The following SCUBE2 variants were observed in gnomAD, a reference collection of about 807,000 sequenced individuals.
SCUBE2 encodes signal peptide, CUB domain and EGF like domain containing 2.
In SCUBE2, 114 loss-of-function variants were observed where a neutral mutation model predicts 125.9. That is an observed-to-expected ratio of 0.91 (90% CI 0.78 to 1.06). The LOEUF is 1.06. Ranked by LOEUF, SCUBE2 falls within the 50% of genes least tolerant of loss-of-function variation. SCUBE2 has a pLI of 0.00. For synonymous variants in SCUBE2, 459 were observed against 492.9 expected, an observed-to-expected ratio of 0.93 and a Z score of 0.91; for missense variants, 1,255 against 1,301.8, an observed-to-expected ratio of 0.96 and a Z score of 0.55.
chr11:9,055,983 A>G, intron 9 of SCUBE2, 74 bp from the exon 10 acceptor site: 1 of 1,170,862 alleles, frequency 8.5e-7, no homozygotes, highest in Non-Finnish European at 1.3e-6. Context: ...TATGATAAAT[A>G]CCAGTTGCTG....
chr11:9,084,550 T>C (rs986505433), intron 2 of SCUBE2, among the ~76,000 whole-genome samples: 3 of 151,910 alleles, frequency 2.0e-5, no homozygotes, highest in African/African-American at 7.3e-5. Flanking sequence ...ATATAGTAAT[T>C]TTGTAGCAGA....
At position 9,066,930 on chromosome 11, in the gene SCUBE2, C is replaced by A. The variant is rs1860299378; in HGVS notation, c.644-117G>T. On this transcript the variant is annotated intron_variant, in intron 5 of 22. Coordinates refer to ENST00000649792, the MANE Select transcript of SCUBE2 (RefSeq NM_001367977.2). ...CAAGTATTTGAGCACCTAGTGCATG[C>A]CAGGCATGGTGCACGAAAGACATAA... 29 of 791,640 alleles carry A rather than the reference C, an allele frequency of 3.7e-5. No individual in the cohort carries two copies. The South Asian group carries it at 4.6e-4, about 12-fold the overall frequency. The allele number at this position is 791,640 out of a possible 1,614,324, so 49.0% of individuals were successfully genotyped here.
chr11:9,085,216 T>C (rs1249077677), intron 2 of SCUBE2, among the ~76,000 whole-genome samples: 3 of 152,128 alleles, frequency 2.0e-5, no homozygotes, highest in African/African-American at 7.2e-5. Context: ...AAAAGAATGG[T>C]AGGGAAAAAT....
chr11:9,079,506 A>T lies in SCUBE2; in HGVS notation c.260T>A (p.Ile87Asn), dbSNP rs929869646. 6 of 1,613,538 alleles carry T rather than the reference A, an allele frequency of 3.7e-6. No individual in the cohort carries two copies. In the East Asian group the frequency reaches 1.3e-4, roughly 36 times the overall value. Reference sequence around the variant, plus strand: ...ATTGAGCTCATTTCCACATTCATCGATGTCTGAGGAATAAAACAGAAGTAA... The same window carrying T: ...ATTGAGCTCATTTCCACATTCATCGTTGTCTGAGGAATAAAACAGAAGTAA... ...YQGEGRQCED[I>N]DECGNELNGG... Residue 87 changes from isoleucine to asparagine, a missense_variant, in exon 3 of 23, where the codon ATC (isoleucine) becomes AAC (asparagine). By Grantham distance (149) the Ile-to-Asn change is moderately radical. Coordinates refer to ENST00000649792, the MANE Select transcript of SCUBE2 (RefSeq NM_001367977.2).
At chr11:9,057,910 C>A (rs143072044) in intron 9 of SCUBE2, among the ~76,000 whole-genome samples, 2 of 152,278 alleles carry the variant, frequency 1.3e-5, no homozygotes, top group Non-Finnish European at 2.9e-5. Context: ...CACATCTTTC[C>A]TGAGAACTTC....
At chr11:9,079,175 C>T (rs142659507) in intron 3 of SCUBE2, among the ~76,000 whole-genome samples, 1 of 152,238 alleles carries the variant, frequency 6.6e-6, no homozygotes, top group Non-Finnish European at 1.5e-5. Flanking sequence ...TGTCACCCAT[C>T]TCCTTGGACT....
rs1367 is a variant in SCUBE2, at chr11:9,021,022, T to C, written c.*23A>G. ...CACCAACCCTATAGCAGAACATTTG[T>C]ATTGAGTGGCACGTGGGCTGAGTCA... On this transcript the variant is annotated 3_prime_UTR_variant, in exon 23 of 23. Transcript: ENST00000649792. 120,492 of 1,607,528 alleles carry C rather than the reference T, an allele frequency of 0.075. 4,937 individuals carry two copies. The highest frequency in any genetic ancestry group is 0.12 in the East Asian group (5,310 of 44,716).
Position 9,058,032 on chromosome 11 carries a change from C to G in SCUBE2, c.1090+1271G>C, listed in dbSNP as rs544919594. On this transcript the variant is annotated intron_variant, in intron 9 of 22. Coordinates refer to ENST00000649792, the MANE Select transcript of SCUBE2 (RefSeq NM_001367977.2). ...GCTACCTAGAGAAGTCTCCTTGCTGCAGCCCTTATATGGGAAGGATGTGTT... is the reference window on the plus strand; with the variant it reads ...GCTACCTAGAGAAGTCTCCTTGCTGGAGCCCTTATATGGGAAGGATGTGTT... 7.9e-5 allele frequency among the ~76,000 whole-genome samples: 12 copies of G among 152,272 alleles called. 1 individual carries two copies. The South Asian group carries it at 2.5e-3, about 32-fold the overall frequency.
chr11:9,027,397 C>T lies in SCUBE2; in HGVS notation c.2668G>A (p.Asp890Asn), dbSNP rs771111073. 5.6e-6 allele frequency: 9 copies of T among 1,613,890 alleles called. No individual in the cohort carries two copies. Among genetic ancestry groups the T allele is most frequent in the Non-Finnish European group, 7.6e-6 (9 of 1,180,004 alleles). Residue 890 changes from aspartate (D) to asparagine (N), a missense_variant, in exon 20 of 23, where the codon GAC (aspartate) becomes AAC (asparagine). Physicochemically the swap from Asp to Asn is conservative, Grantham distance 23. Coordinates refer to ENST00000649792, the MANE Select transcript of SCUBE2 (RefSeq NM_001367977.2). ...CGCATCACCAGATAGTCCCCACAGT[C>T]GTCCTCTATGGGCAGGAAGATCTCA... is the stretch of plus-strand genomic sequence containing the variant. The part of the protein sequence containing the change: ...VPEIFLPIED[D>N]CGDYLVMRKT...
intron 4 of SCUBE2, among the ~76,000 whole-genome samples, chr11:9,072,910 G>A (rs145973792): frequency 1.2e-4 from 18 of 152,300 alleles, no homozygotes; most frequent in East Asian, 7.7e-4. Flanking sequence ...TAATCAGTCC[G>A]GGGGCTTGCA....
intron 10 of SCUBE2, 86 bp from the exon 11 acceptor site, chr11:9,053,845 G>T (rs1858697549): frequency 4.6e-6 from 7 of 1,515,690 alleles, no homozygotes; most frequent in Non-Finnish European, 6.3e-6. Context: ...AGCAGCAGGG[G>T]AGTCACAAGG....
intron 21 of SCUBE2, among the ~76,000 whole-genome samples, chr11:9,024,592 T>G (rs1210912015): frequency 6.6e-6 from 1 of 152,164 alleles, no homozygotes; most frequent in Non-Finnish European, 1.5e-5. Flanking sequence ...CCCCATTCCC[T>G]TCTAGTCTCC....
Position 9,052,638 on chromosome 11 carries a change from G to A in SCUBE2, c.1534+108C>T, listed in dbSNP as rs1590070610. The A allele has an allele frequency of 8.8e-6, 7 of 796,394 alleles. No individual in the cohort carries two copies. In the East Asian group the frequency reaches 1.9e-4, roughly 22 times the overall value. The allele number at this position is 796,394 out of a possible 1,614,324, so 49.3% of individuals were successfully genotyped here. On this transcript the variant is annotated intron_variant, in intron 13 of 22. Coordinates refer to ENST00000649792, the MANE Select transcript of SCUBE2 (RefSeq NM_001367977.2). ...CCTGGAACATGCTCACAGCATCAAG[G>A]AAATTAACAGAAAAAAAACAAAGCC... is the stretch of plus-strand genomic sequence containing the variant.
intron 17 of SCUBE2, among the ~76,000 whole-genome samples, chr11:9,032,626 T>C (rs750848970): frequency 1.1e-4 from 16 of 152,080 alleles, no homozygotes; most frequent in Non-Finnish European, 2.1e-4. Context: ...CCAGCTTCTC[T>C]GGAGGCTGAG....
intron 21 of SCUBE2, chr11:9,022,586 G>C (rs1353330798): frequency 1.3e-5 from 2 of 152,586 alleles, no homozygotes; most frequent in South Asian, 2.1e-4. Flanking sequence ...CCAACGGCCA[G>C]TTCTTGGTCT....
intron 2 of SCUBE2, among the ~76,000 whole-genome samples, chr11:9,081,682 A>C (rs1861656565): frequency 7.3e-6 from 1 of 136,692 alleles, no homozygotes; most frequent in Non-Finnish European, 1.6e-5. Flanking sequence ...ACAAAAAAAA[A>C]AAACCAAAAA....
At position 9,043,540 on chromosome 11, in the gene SCUBE2, G is replaced by A. The variant is rs541130196; in HGVS notation, c.2002+3816C>T. 2.6e-5 allele frequency among the ~76,000 whole-genome samples: 4 copies of A among 151,638 alleles called. No individual in the cohort carries two copies. In the South Asian group the frequency reaches 6.2e-4, roughly 24 times the overall value. ...ACTTGGAGAGCAGGCTGTCCCCAAA[G>A]TCCCCAAATGCCAAATTAATGAAAC... On this transcript the variant is annotated intron_variant, in intron 16 of 22. Coordinates refer to ENST00000649792, the MANE Select transcript of SCUBE2 (RefSeq NM_001367977.2).
chr11:9,028,501 C>A (rs1855988530), intron 19 of SCUBE2, among the ~76,000 whole-genome samples: 1 of 152,166 alleles, frequency 6.6e-6, no homozygotes, highest in Non-Finnish European at 1.5e-5. Flanking sequence ...TCATTCATCC[C>A]AGAAGTGTCA....
chr11:9,059,650 A>C, intron 8 of SCUBE2: 1 of 549,546 alleles, frequency 1.8e-6, no homozygotes, highest in Non-Finnish European at 3.1e-6. Flanking sequence ...ACGCTGACTT[A>C]TGATGCCCTT....
Sources: allele counts gnomAD v4.1 joint callset (sites outside exome capture counted in the v4.1 genomes callset), GRCh38; gene constraint gnomAD v4.1.1; transcripts MANE v1.5; gene names NCBI Gene and HGNC (gene_info 2026-07-23, HGNC 2026-07-21).